Variants in ZZZ3 observed in about 807,000 individuals in gnomAD.
ZZZ3 encodes ZZ-type zinc finger-containing protein 3.
ZZZ3 carries 22 observed loss-of-function variants against 95.2 expected under a neutral mutation model. That is an observed-to-expected ratio of 0.23 (90% CI 0.17 to 0.33). The LOEUF (loss-of-function observed/expected upper bound fraction) is 0.33. Ranked by LOEUF, ZZZ3 falls within the 10% of genes least tolerant of loss-of-function variation. The pLI, the probability that ZZZ3 is intolerant of heterozygous loss-of-function variation, is 1.00. For synonymous variants in ZZZ3, 335 were observed against 358.9 expected (o/e 0.93, Z 0.75); for missense variants, 885 against 1,066.5 (o/e 0.83, Z 2.37).
chr1:77,595,274 C>T (rs1287936095), intron 5 of ZZZ3, among the ~76,000 whole-genome samples: 1 of 152,050 alleles, frequency 6.6e-6, no homozygotes, highest in African/African-American at 2.4e-5. Context: ...GATTAATGTA[C>T]TCTAAGAGAA....
chr1:77,578,025 G>A (rs1662139572), intron 11 of ZZZ3, among the ~76,000 whole-genome samples: 1 of 152,104 alleles, frequency 6.6e-6, no homozygotes, highest in Non-Finnish European at 1.5e-5. Flanking sequence ...ATCAGAATGG[G>A]AGAGAATCAG....
At chr1:77,681,532 A>G (rs1051080834) in intron 1 of ZZZ3, among the ~76,000 whole-genome samples, 5 of 152,236 alleles carry the variant, frequency 3.3e-5, no homozygotes, top group Non-Finnish European at 7.3e-5. Context: ...AACTCATTTA[A>G]GAAAAATAAA....
chr1:77,628,366 G>T (rs746353997), intron 5 of ZZZ3, among the ~76,000 whole-genome samples: 28 of 152,088 alleles, frequency 1.8e-4, no homozygotes, highest in Non-Finnish European at 1.5e-4. Flanking sequence ...TCTTGCCAGA[G>T]AAAAAGATAT....
intron 5 of ZZZ3, among the ~76,000 whole-genome samples, chr1:77,619,759 T>C (rs1461095882): frequency 6.6e-6 from 1 of 152,166 alleles, no homozygotes; most frequent in African/African-American, 2.4e-5. Flanking sequence ...TCCTCTTATA[T>C]GTCTCCACAT....
At chr1:77,657,420 G>A (rs1015135935) in intron 1 of ZZZ3, among the ~76,000 whole-genome samples, 1 of 151,994 alleles carries the variant, frequency 6.6e-6, no homozygotes, top group Admixed American at 6.6e-5. Context: ...ATTTTAAACA[G>A]TGAAACCACC....
upstream of ZZZ3, among the ~76,000 whole-genome samples, chr1:77,682,999 A>C (rs1007111347): frequency 6.6e-6 from 1 of 152,060 alleles, no homozygotes; most frequent in South Asian, 2.1e-4. Context: ...CTACTGAGCG[A>C]GCGCGCTCCC....
intron 10 of ZZZ3, 133 bp from the exon 11 acceptor site, chr1:77,579,002 C>A (rs943883433): frequency 1.6e-5 from 7 of 429,202 alleles, no homozygotes; most frequent in African/African-American, 1.4e-4. Context: ...CTAGAATTAA[C>A]AATAAACTGC....
intron 4 of ZZZ3, among the ~76,000 whole-genome samples, chr1:77,639,121 A>G (rs1001929918): frequency 6.6e-6 from 1 of 152,216 alleles, no homozygotes; most frequent in Non-Finnish European, 1.5e-5. Flanking sequence ...TCAGACAGAC[A>G]GACAGACAGA....
At chr1:77,641,695 T>C (rs1668789750) in intron 1 of ZZZ3, 40 bp from the exon 2 acceptor site, 2 of 396,334 alleles carry the variant, frequency 5.0e-6, no homozygotes, top group Non-Finnish European at 8.9e-6. Flanking sequence ...ATAGATGTGT[T>C]ACCGTTTACA....
chr1:77,597,930 G>A (rs934764269), intron 5 of ZZZ3, among the ~76,000 whole-genome samples: 1 of 152,106 alleles, frequency 6.6e-6, no homozygotes, highest in Non-Finnish European at 1.5e-5. Flanking sequence ...CCATACTACT[G>A]TAAGATAGTA....
chr1:77,671,622 A>C (rs1490106468), intron 1 of ZZZ3, among the ~76,000 whole-genome samples: 1 of 152,232 alleles, frequency 6.6e-6, no homozygotes, highest in Non-Finnish European at 1.5e-5. Context: ...AATGAGGGTT[A>C]CAGTAACCCT....
At chr1:77,626,522 T>C (rs1198422300) in intron 5 of ZZZ3, among the ~76,000 whole-genome samples, 1 of 152,108 alleles carries the variant, frequency 6.6e-6, no homozygotes, top group Non-Finnish European at 1.5e-5. Context: ...ACATGCATGG[T>C]TCACAATAGA....
intron 5 of ZZZ3, among the ~76,000 whole-genome samples, chr1:77,610,803 G>A (rs1665720127): frequency 6.6e-6 from 1 of 151,176 alleles, no homozygotes; most frequent in African/African-American, 2.4e-5. Context: ...AAATACAGAA[G>A]GAATGTACCT....
intron 5 of ZZZ3, 58 bp downstream of exon 5, chr1:77,631,792 G>A (rs780888540): frequency 5.4e-5 from 74 of 1,379,538 alleles, no homozygotes; most frequent in Non-Finnish European, 7.2e-5. Flanking sequence ...AATAGATACT[G>A]AAAAACTTGG....
At chr1:77,663,826 G>A (rs1350049029) in intron 1 of ZZZ3, among the ~76,000 whole-genome samples, 2 of 150,938 alleles carry the variant, frequency 1.3e-5, no homozygotes, top group Non-Finnish European at 2.9e-5. Context: ...TTGGCTCACC[G>A]CAACCCTCCA....
Position 77,601,320 on chromosome 1 carries a change from A to G in ZZZ3, c.1506-16665T>C, listed in dbSNP as rs546319997. Reference sequence around the variant, plus strand: ...GACTTCACACAAGGAAATCACTAGTAAGTCATTTCAGTGGAGTGATGAGGG... The same window carrying G: ...GACTTCACACAAGGAAATCACTAGTGAGTCATTTCAGTGGAGTGATGAGGG... On this transcript the variant is annotated intron_variant, in intron 5 of 14. Transcript: ENST00000370801. Among the ~76,000 whole-genome samples, 4 of 152,306 alleles carry G rather than the reference A, an allele frequency of 2.6e-5. No individual in the cohort carries two copies. The South Asian group carries it at 8.3e-4, about 32-fold the overall frequency.
chr1:77,566,546 A>G (rs1241004589), intron 13 of ZZZ3, among the ~76,000 whole-genome samples: 6 of 152,212 alleles, frequency 3.9e-5, no homozygotes, highest in African/African-American at 7.2e-5. Context: ...TGGTTGAGAA[A>G]CAGAGAGTTA....
intron 13 of ZZZ3, 39 bp from the exon 14 acceptor site, chr1:77,566,220 T>C: frequency 2.8e-6 from 4 of 1,407,206 alleles, no homozygotes; most frequent in Non-Finnish European, 3.9e-6. Flanking sequence ...TAAGTTATAC[T>C]GTTCCACGAT....
At chr1:77,680,699 A>G (rs1263403432) in intron 1 of ZZZ3, among the ~76,000 whole-genome samples, 2 of 152,218 alleles carry the variant, frequency 1.3e-5, no homozygotes, top group East Asian at 3.8e-4. Flanking sequence ...AATTGAGATC[A>G]CTAAGTTGCA....
Sources: allele counts gnomAD v4.1 joint callset (sites outside exome capture counted in the v4.1 genomes callset), GRCh38; gene constraint gnomAD v4.1.1; transcripts MANE v1.5; gene names NCBI Gene and HGNC (gene_info 2026-07-23, HGNC 2026-07-21).